XPO7: variants seen among roughly 807,000 people sequenced by gnomAD.
The protein encoded by XPO7 is exportin 7.
XPO7 carries 21 observed loss-of-function variants against 144.3 expected under a neutral mutation model. The observed-to-expected ratio is 0.15, with a 90% CI of 0.10 to 0.21. The LOEUF is 0.21. Ranked by LOEUF, XPO7 falls within the 10% of genes least tolerant of loss-of-function variation. The pLI is 1.00. For synonymous variants in XPO7, 580 were observed against 499.6 expected, an observed-to-expected ratio of 1.16 and a Z score of -2.15; for missense variants, 808 against 1,325.8, an observed-to-expected ratio of 0.61 and a Z score of 6.06.
chr8:21,954,649 T>C (rs917440795), intron 1 of XPO7, among the ~76,000 whole-genome samples: 30 of 151,840 alleles, frequency 2.0e-4, no homozygotes, highest in Non-Finnish European at 3.8e-4. Context: ...AATAAATAAA[T>C]AAATGAAATA....
intron 1 of XPO7, among the ~76,000 whole-genome samples, chr8:21,927,855 C>T (rs1810511324): frequency 1.3e-5 from 2 of 152,162 alleles, no homozygotes; most frequent in South Asian, 2.1e-4. Context: ...GACCCAACTT[C>T]TTATCTATTC....
At chr8:21,977,711 A>C in intron 7 of XPO7, 59 bp from the exon 8 acceptor site, 1 of 1,499,772 alleles carries the variant, frequency 6.7e-7, no homozygotes, top group Non-Finnish European at 9.2e-7. Flanking sequence ...TGCTGGAAGT[A>C]TGCCAGCGGC....
chr8:21,959,355 C>T (rs1275689882), intron 1 of XPO7, among the ~76,000 whole-genome samples: 1 of 152,174 alleles, frequency 6.6e-6, no homozygotes, highest in Non-Finnish European at 1.5e-5. Flanking sequence ...ACACACATTA[C>T]TTCATTGACT....
intron 19 of XPO7, among the ~76,000 whole-genome samples, chr8:21,992,308 G>A (rs1205303643): frequency 6.6e-6 from 1 of 151,988 alleles, no homozygotes; most frequent in Admixed American, 6.6e-5. Context: ...TTAGTGACAA[G>A]TTAGGTTTTC....
intron 1 of XPO7, among the ~76,000 whole-genome samples, chr8:21,928,306 A>G (rs1170839102): frequency 2.6e-5 from 4 of 152,222 alleles, no homozygotes; most frequent in Non-Finnish European, 5.9e-5. Flanking sequence ...CGTTGTATGA[A>G]TATATCACAT....
At chr8:21,980,919 C>T (rs1812388545) in intron 9 of XPO7, among the ~76,000 whole-genome samples, 1 of 152,104 alleles carries the variant, frequency 6.6e-6, no homozygotes, top group African/African-American at 2.4e-5. Flanking sequence ...ACTCGATTGC[C>T]CTTTTTGTCT....
chr8:22,005,727 G>C lies in XPO7; in HGVS notation c.*639G>C. The C allele has an allele frequency of 6.6e-6, 1 of 152,170 alleles. No individual in the cohort carries two copies. The allele number at this position is 152,170 out of a possible 1,614,324, so 9.4% of individuals were successfully genotyped here. A position where few individuals can be genotyped will look rare whatever the true frequency, so the allele number is the denominator to read the frequency against. On this transcript the variant is annotated 3_prime_UTR_variant, in exon 28 of 28. Coordinates refer to ENST00000252512, the MANE Select transcript of XPO7 (RefSeq NM_015024.5). ...AATTCCTGTTACTGTATTAACCCTT[G>C]TTATTAGGAACTCTAAGCCATGCCA...
intron 18 of XPO7, 102 bp from the exon 19 acceptor site, chr8:21,991,766 T>G: frequency 3.9e-6 from 3 of 777,728 alleles, no homozygotes; most frequent in Non-Finnish European, 5.8e-6. Flanking sequence ...GGGACCCCCT[T>G]GAGTTCCCCT....
intron 1 of XPO7, among the ~76,000 whole-genome samples, chr8:21,954,477 T>C (rs575627305): frequency 6.6e-6 from 1 of 152,004 alleles, no homozygotes; most frequent in South Asian, 2.1e-4. Context: ...CTACTAAAAA[T>C]TCAAAAATTA....
chr8:21,973,851 A>G (rs930530465), intron 5 of XPO7, among the ~76,000 whole-genome samples: 33 of 152,358 alleles, frequency 2.2e-4, no homozygotes, highest in African/African-American at 6.0e-4. Flanking sequence ...ATTTAGCTGA[A>G]AAGACAAGAA....
At chr8:21,983,051 A>AT (rs1452909050) in intron 11 of XPO7, among the ~76,000 whole-genome samples, 3 of 152,242 alleles carry the variant, frequency 2.0e-5, no homozygotes, top group African/African-American at 7.2e-5. Context: ...CCATAGCAAT[A>AT]TCTTTGAATA....
intron 1 of XPO7, among the ~76,000 whole-genome samples, chr8:21,962,565 G>A (rs1054121769): frequency 3.3e-5 from 5 of 152,094 alleles, no homozygotes; most frequent in African/African-American, 4.8e-5. Context: ...TTTAAAAAAT[G>A]CTTATCTTTA....
chr8:21,926,331 A>G (rs748425366), intron 1 of XPO7, among the ~76,000 whole-genome samples: 1 of 152,176 alleles, frequency 6.6e-6, no homozygotes, highest in Non-Finnish European at 1.5e-5. Flanking sequence ...ACTTTGCATG[A>G]TAAGAAATTA....
At chr8:21,926,167 A>G (rs1255144782) in intron 1 of XPO7, among the ~76,000 whole-genome samples, 1 of 152,176 alleles carries the variant, frequency 6.6e-6, no homozygotes, top group African/African-American at 2.4e-5. Flanking sequence ...AAAAATCAAA[A>G]TATTTTCCTC....
intron 1 of XPO7, among the ~76,000 whole-genome samples, chr8:21,948,289 T>A (rs1811257122): frequency 6.6e-6 from 1 of 152,240 alleles, no homozygotes; most frequent in Non-Finnish European, 1.5e-5. Context: ...ATAGCCATCA[T>A]AGCACAACAT....
At chr8:21,976,074 A>T (rs1050577227) in intron 6 of XPO7, among the ~76,000 whole-genome samples, 2 of 152,220 alleles carry the variant, frequency 1.3e-5, no homozygotes, top group African/African-American at 4.8e-5. Context: ...CTCTGTGACC[A>T]TTATGTCTAC....
intron 1 of XPO7, among the ~76,000 whole-genome samples, chr8:21,937,260 T>G (rs1311324366): frequency 1.3e-5 from 2 of 152,222 alleles, no homozygotes; most frequent in East Asian, 3.8e-4. Context: ...TTGGATGTGT[T>G]AAATGTATTT....
At chr8:21,921,527 T>G (rs1758182747) in intron 1 of XPO7, 1 of 152,220 alleles carries the variant, frequency 6.6e-6, no homozygotes, top group South Asian at 2.1e-4. Flanking sequence ...AAATATCTCT[T>G]AATGTGATCT....
Position 21,987,141 on chromosome 8 carries a change from G to T in XPO7, c.1578G>T (p.Arg526=). The T allele has an allele frequency of 6.2e-7, 1 of 1,613,806 alleles. No individual in the cohort carries two copies. The highest frequency in any genetic ancestry group is 2.2e-5 in the East Asian group (1 of 44,884). ...AGAATCATTGCTCCTCTTCCTCCAG[G>T]GTGCTCCAGCTGATGAACCTAACAG... The part of the protein sequence containing the change: ...QDAMDGELVC[R]VLQLMNLTDS... The change falls in exon 14 of 28, where the codon CGG becomes CGT. Residue 526 remains arginine (R), a splice_region_variant and synonymous_variant. Transcript: ENST00000252512.
Sources: allele counts gnomAD v4.1 joint callset (sites outside exome capture counted in the v4.1 genomes callset), GRCh38; gene constraint gnomAD v4.1.1; transcripts MANE v1.5; gene names NCBI Gene and HGNC (gene_info 2026-07-23, HGNC 2026-07-21).